NUP155: variants seen among roughly 807,000 people sequenced by gnomAD.
NUP155 encodes the protein nuclear pore complex protein Nup155.
Under a neutral mutation model 180.4 loss-of-function variants are expected in NUP155, and 71 were observed. The ratio of observed to expected loss-of-function variants is 0.39; its 90% CI spans 0.33 to 0.48. The LOEUF is 0.48. NUP155 is among the 20% of genes least tolerant of loss of function. The pLI, the probability that NUP155 is intolerant of heterozygous loss-of-function variation, is 0.91. For synonymous variants in NUP155, 582 were observed against 559.5 expected (o/e 1.04, Z -0.57); for missense variants, 1,553 against 1,648.9 (o/e 0.94, Z 1.01).
intron 20 of NUP155, among the ~76,000 whole-genome samples, chr5:37,323,159 T>A (rs1396183057): frequency 1.3e-5 from 2 of 150,162 alleles, no homozygotes; most frequent in Non-Finnish European, 3.0e-5. Context: ...GTGGTGCACA[T>A]CTGTAATCTA....
intron 32 of NUP155, among the ~76,000 whole-genome samples, chr5:37,297,835 A>G (rs1466186903): frequency 1.3e-5 from 2 of 152,138 alleles, no homozygotes; most frequent in African/African-American, 2.4e-5. Flanking sequence ...ATACCTACAA[A>G]AGTAAGGGTA....
chr5:37,360,647 G>A (rs1245608944), intron 3 of NUP155, among the ~76,000 whole-genome samples: 6 of 151,652 alleles, frequency 4.0e-5, no homozygotes, highest in African/African-American at 1.5e-4. Context: ...TTAGCCGGGT[G>A]TGGTGGTGCA....
chr5:37,312,838 C>T (rs922466860), intron 22 of NUP155, among the ~76,000 whole-genome samples: 6 of 151,970 alleles, frequency 3.9e-5, no homozygotes, highest in African/African-American at 1.5e-4. Context: ...TCAAGAAAAA[C>T]TGGTAACTGA....
Position 37,341,118 on chromosome 5 carries a change from T to C in NUP155, c.1218A>G (p.Ser406=), listed in dbSNP as rs150431627. The C allele has an allele frequency of 1.2e-4, 186 of 1,613,636 alleles. No individual in the cohort carries two copies. The highest frequency in any genetic ancestry group is 1.6e-4 in the Middle Eastern group (1 of 6,084). ...FSASSTVEKP[S]KVHRALYSKG... ...TACTATAAAGAGCTCTATGTACTTT[T>C]GAAGGCTTTTCCACGGTTGAAGATG... The change falls in exon 11 of 35, where the codon TCA becomes TCG. Residue 406 remains serine, a synonymous_variant. Coordinates refer to ENST00000231498, the MANE Select transcript of NUP155 (RefSeq NM_153485.3).
chr5:37,349,337 C>G lies in NUP155; in HGVS notation c.830-92G>C, dbSNP rs375285736. On this transcript the variant is annotated intron_variant, in intron 7 of 34. Coordinates refer to ENST00000231498, the MANE Select transcript of NUP155 (RefSeq NM_153485.3). ...AGCTAGTTACAACAAACTGTTGAAT[C>G]AGAACTTTGTATTCAGGGGCTTTCT... 5.4e-4 allele frequency: 232 copies of G among 432,366 alleles called. 6 individuals are homozygous for G. In the South Asian group the frequency reaches 6.2e-3, roughly 12 times the overall value. The allele number at this position is 432,366 out of a possible 1,614,324, so 26.8% of individuals were successfully genotyped here. A position where few individuals can be genotyped will look rare whatever the true frequency, so the allele number is the denominator to read the frequency against.
intron 32 of NUP155, 145 bp from the exon 33 acceptor site, chr5:37,294,610 T>C: frequency 1.4e-6 from 1 of 736,604 alleles, no homozygotes; most frequent in East Asian, 2.8e-5. Flanking sequence ...TTTTTTGCTA[T>C]GTTGCCCAGA....
chr5:37,351,370 A>G lies in NUP155; in HGVS notation c.557-14T>C, dbSNP rs746448833. 6.3e-7 allele frequency: 1 copy of G among 1,592,402 alleles called. No individual in the cohort carries two copies. The highest frequency in any genetic ancestry group is 8.6e-7 in the Non-Finnish European group (1 of 1,161,256). On this transcript the variant is annotated splice_polypyrimidine_tract_variant and intron_variant, in intron 5 of 34. Transcript: ENST00000231498. ...GAACTCCAGAACCTATTTAAGAAAG[A>G]ATACATAAATCAGTTTATTAGCTAC...
At chr5:37,331,521 C>G (rs1384255273) in intron 14 of NUP155, among the ~76,000 whole-genome samples, 164 bp downstream of exon 14, 2 of 152,162 alleles carry the variant, frequency 1.3e-5, no homozygotes, top group Non-Finnish European at 2.9e-5. Context: ...TTGCAGTGAG[C>G]CAAGATTGCG....
intron 19 of NUP155, 133 bp downstream of exon 19, chr5:37,325,768 C>CAAAAAAAAAAAA (rs58741619): frequency 6.5e-6 from 2 of 308,252 alleles, no homozygotes; most frequent in African/African-American, 8.5e-5. Context: ...GACTCTGTCT[C>CAAAAAAAAAAAA]AAAAAAAAAA....
intron 20 of NUP155, among the ~76,000 whole-genome samples, chr5:37,323,434 C>T (rs1744377018): frequency 6.6e-6 from 1 of 152,026 alleles, no homozygotes; most frequent in South Asian, 2.1e-4. Context: ...ACCTTGAAAA[C>T]ATGCTTGGGG....
At chr5:37,302,631 T>C (rs1457494985) in intron 29 of NUP155, 148 bp downstream of exon 29, 11 of 784,798 alleles carry the variant, frequency 1.4e-5, no homozygotes, top group Non-Finnish European at 2.2e-5. Context: ...GATTTATATC[T>C]AAACATAAAA....
At chr5:37,358,792 G>A (rs1747012396) in intron 3 of NUP155, among the ~76,000 whole-genome samples, 1 of 152,172 alleles carries the variant, frequency 6.6e-6, no homozygotes, top group South Asian at 2.1e-4. Flanking sequence ...GCCGGGGTGG[G>A]CGAATCACAA....
intron 10 of NUP155, among the ~76,000 whole-genome samples, chr5:37,342,012 C>T (rs770627757): frequency 6.6e-6 from 1 of 152,156 alleles, no homozygotes; most frequent in Admixed American, 6.5e-5. Context: ...TCAGCCACTG[C>T]GCCTTTTAGG....
chr5:37,359,718 A>G (rs1747073979), intron 3 of NUP155, among the ~76,000 whole-genome samples: 1 of 152,218 alleles, frequency 6.6e-6, no homozygotes, highest in African/African-American at 2.4e-5. Flanking sequence ...TAACAAGAAA[A>G]AAAACCCCAG....
intron 9 of NUP155, among the ~76,000 whole-genome samples, chr5:37,344,871 CAAA>C (rs34103075): frequency 4.0e-5 from 3 of 75,240 alleles, no homozygotes; most frequent in Non-Finnish European, 2.6e-5. Context: ...GACTCCATCT[CAAA>C]AAAAAAAAAA....
At chr5:37,349,333 G>C in intron 7 of NUP155, 88 bp from the exon 8 acceptor site, 1 of 435,358 alleles carries the variant, frequency 2.3e-6, no homozygotes, top group South Asian at 2.7e-5. Flanking sequence ...ACAAACTGTT[G>C]AATCAGAACT....
chr5:37,342,988 C>T (rs529997514), intron 9 of NUP155, among the ~76,000 whole-genome samples: 1 of 152,342 alleles, frequency 6.6e-6, no homozygotes, highest in African/African-American at 2.4e-5. Flanking sequence ...CGTGATCCGC[C>T]CGCCTCGGCC....
chr5:37,353,236 C>T (rs559187371), intron 4 of NUP155, among the ~76,000 whole-genome samples: 1 of 151,630 alleles, frequency 6.6e-6, no homozygotes, highest in East Asian at 1.9e-4. Context: ...TCGATAGATG[C>T]ATTAAAAAAA....
At chr5:37,357,528 G>A (rs1746919027) in intron 4 of NUP155, among the ~76,000 whole-genome samples, 1 of 147,780 alleles carries the variant, frequency 6.8e-6, no homozygotes, top group African/African-American at 2.5e-5. Context: ...GGTATATCAA[G>A]AAAGAGCAGT....
Sources: allele counts gnomAD v4.1 joint callset (sites outside exome capture counted in the v4.1 genomes callset), GRCh38; gene constraint gnomAD v4.1.1; transcripts MANE v1.5; gene names NCBI Gene and HGNC (gene_info 2026-07-23, HGNC 2026-07-21).